DLG2: variants seen among roughly 807,000 people sequenced by gnomAD.
DLG2 encodes the protein disks large homolog 2.
Under a neutral mutation model 132.5 loss-of-function variants are expected in DLG2, and 45 were observed. The observed-to-expected ratio is 0.34, with a 90% CI of 0.27 to 0.44. DLG2 has a LOEUF of 0.44. Ranked by LOEUF, DLG2 falls within the 20% of genes least tolerant of loss-of-function variation. The pLI is 1.00. For synonymous variants in DLG2, 424 were observed against 419.6 expected (o/e 1.01, Z -0.13); for missense variants, 1,045 against 1,196.9 (o/e 0.87, Z 1.87).
chr11:84,685,169 T>A (rs1048010756), intron 6 of DLG2, among the ~76,000 whole-genome samples: 1 of 152,156 alleles, frequency 6.6e-6, no homozygotes, highest in Non-Finnish European at 1.5e-5. Context: ...GGGCTATAAT[T>A]CCAGTTTTCT....
intron 3 of DLG2, among the ~76,000 whole-genome samples, chr11:85,317,530 G>T (rs1174600407): frequency 6.6e-6 from 1 of 151,900 alleles, no homozygotes; most frequent in East Asian, 1.9e-4. Context: ...GGTCTTACTG[G>T]AAGAAAATAC....
intron 3 of DLG2, among the ~76,000 whole-genome samples, chr11:85,440,085 A>G (rs2091701481): frequency 6.6e-6 from 1 of 152,238 alleles, no homozygotes; most frequent in East Asian, 1.9e-4. Flanking sequence ...CTATAAAATT[A>G]TAATATGACT....
chr11:84,066,760 TA>T (rs1367682635), intron 10 of DLG2, among the ~76,000 whole-genome samples: 1 of 151,658 alleles, frequency 6.6e-6, no homozygotes, highest in East Asian at 1.9e-4. Context: ...AAACTCCATC[TA>T]AAAAAAGAAA....
intron 3 of DLG2, among the ~76,000 whole-genome samples, chr11:85,595,108 A>C (rs1440288375): frequency 6.6e-6 from 1 of 151,456 alleles, no homozygotes; most frequent in Non-Finnish European, 1.5e-5. Flanking sequence ...CTTCTTTATC[A>C]CCTAACTGAA....
At chr11:84,930,647 A>T (rs1332071669) in intron 6 of DLG2, among the ~76,000 whole-genome samples, 11 of 152,090 alleles carry the variant, frequency 7.2e-5, no homozygotes, top group Admixed American at 7.2e-4. Context: ...ACAAGTCCTC[A>T]ACTTTTACCG....
intron 7 of DLG2, among the ~76,000 whole-genome samples, chr11:84,352,169 A>T (rs754462403): frequency 9.2e-5 from 14 of 152,358 alleles, no homozygotes; most frequent in Non-Finnish European, 1.8e-4. Context: ...GCTCCACAGC[A>T]TGGCATGAAG....
At chr11:84,350,149 G>A (rs1276294624) in intron 7 of DLG2, among the ~76,000 whole-genome samples, 1 of 144,682 alleles carries the variant, frequency 6.9e-6, no homozygotes, top group African/African-American at 2.6e-5. Flanking sequence ...AGGCACTCCA[G>A]CCTGGGCGAC....
intron 6 of DLG2, among the ~76,000 whole-genome samples, chr11:84,540,898 G>C (rs954472361): frequency 1.3e-5 from 2 of 152,138 alleles, no homozygotes; most frequent in Non-Finnish European, 2.9e-5. Context: ...GTAGGGACAT[G>C]GATGAAGCTG....
rs185604387 is a variant in DLG2, at chr11:84,298,787, A to G, written c.520-47496T>C. Among the ~76,000 whole-genome samples, 482 of 152,300 alleles carry G rather than the reference A, an allele frequency of 3.2e-3. 7 individuals are homozygous for G. Among genetic ancestry groups the G allele is most frequent in the Non-Finnish European group, 5.7e-4 (39 of 68,014 alleles). Reference sequence around the variant, plus strand: ...GAGTCATTACAGAGAGAGAGAGAGAAAAGCATGAGCAAAGATTTGGCTGGA... The same window carrying G: ...GAGTCATTACAGAGAGAGAGAGAGAGAAGCATGAGCAAAGATTTGGCTGGA... On this transcript the variant is annotated intron_variant, in intron 7 of 27. Coordinates refer to ENST00000376104, the MANE Select transcript of DLG2 (RefSeq NM_001142699.3).
At chr11:84,123,891 T>C (rs974439360) in intron 9 of DLG2, among the ~76,000 whole-genome samples, 6 of 152,192 alleles carry the variant, frequency 3.9e-5, no homozygotes, top group African/African-American at 1.2e-4. Context: ...AGTATAAAAA[T>C]GTGTTTCACA....
intron 11 of DLG2, among the ~76,000 whole-genome samples, chr11:84,044,860 T>A (rs2096204823): frequency 6.6e-6 from 1 of 151,734 alleles, no homozygotes. Flanking sequence ...ACCCGTACAA[T>A]CTCAGGAGGG....
At chr11:83,508,266 AGT>A (rs993404426) in intron 21 of DLG2, among the ~76,000 whole-genome samples, 9 of 149,040 alleles carry the variant, frequency 6.0e-5, no homozygotes, top group Admixed American at 3.3e-4. Context: ...TTTTTGAGAC[AGT>A]GTGTCAAGCC....
intron 18 of DLG2, among the ~76,000 whole-genome samples, chr11:83,640,196 G>A (rs574981068): frequency 2.0e-5 from 3 of 152,232 alleles, no homozygotes; most frequent in South Asian, 4.1e-4. Context: ...CACACTACAG[G>A]AGAATTAGTT....
chr11:84,538,603 T>C (rs992727175), intron 6 of DLG2, among the ~76,000 whole-genome samples: 4 of 152,100 alleles, frequency 2.6e-5, no homozygotes, highest in Non-Finnish European at 5.9e-5. Flanking sequence ...CCTATGTTTT[T>C]TTTTTTTCTT....
intron 21 of DLG2, among the ~76,000 whole-genome samples, chr11:83,516,835 T>G (rs1021475383): frequency 9.8e-5 from 15 of 152,310 alleles, no homozygotes; most frequent in African/African-American, 2.4e-4. Flanking sequence ...TTTTCTTTAA[T>G]AATGTTGAAT....
chr11:85,489,676 T>TA (rs2153104116), intron 3 of DLG2, among the ~76,000 whole-genome samples: 1 of 152,318 alleles, frequency 6.6e-6, no homozygotes, highest in East Asian at 1.9e-4. Context: ...AACAAATGTT[T>TA]AAAAATCATA....
chr11:85,592,133 C>T (rs1473179748), intron 3 of DLG2, among the ~76,000 whole-genome samples: 4 of 152,166 alleles, frequency 2.6e-5, no homozygotes, highest in African/African-American at 9.7e-5. Context: ...TTTTCATGTA[C>T]ATAAATATTA....
intron 9 of DLG2, among the ~76,000 whole-genome samples, chr11:84,113,235 A>C (rs960917194): frequency 6.6e-6 from 1 of 152,218 alleles, no homozygotes; most frequent in African/African-American, 2.4e-5. Flanking sequence ...TGAGTCCATA[A>C]CTTTATAATA....
At position 83,469,386 on chromosome 11, in the gene DLG2, A is replaced by G. The variant is rs1454989935; in HGVS notation, c.2447-13T>C. ...GGCCTCGTAGTATCTTTATAAAACA[A>G]AAAATGATAAAATTAAGGTGCATTT... On this transcript the variant is annotated splice_polypyrimidine_tract_variant and intron_variant, in intron 24 of 27. Transcript: ENST00000376104. The G allele has an allele frequency of 3.8e-6, 6 of 1,598,508 alleles. No individual in the cohort carries two copies. The highest frequency in any genetic ancestry group is 1.8e-5 in the Admixed American group (1 of 56,832).
Sources: gnomAD v4.1 joint callset for allele counts (sites outside exome capture counted in the v4.1 genomes callset) on GRCh38, gnomAD v4.1.1 for gene constraint, MANE v1.5 for transcripts, NCBI Gene and HGNC (gene_info 2026-07-23, HGNC 2026-07-21) for gene names.